IDO2: variants seen among roughly 807,000 people sequenced by gnomAD.
IDO2 encodes indoleamine 2,3-dioxygenase 2.
In IDO2, 46 loss-of-function variants were observed where a neutral mutation model predicts 45.1. That is an observed-to-expected ratio of 1.02 (90% CI 0.80 to 1.30). The LOEUF (loss-of-function observed/expected upper bound fraction) is 1.30, where lower values mean the gene tolerates loss of function less well. Ranked by LOEUF, IDO2 falls within the 50% of genes most tolerant of loss-of-function variation. The pLI is 0.00. For synonymous variants in IDO2, 218 were observed against 184.9 expected (o/e 1.18, Z -1.45); for missense variants, 544 against 491.8 (o/e 1.11, Z -1.00).
intron 1 of IDO2, among the ~76,000 whole-genome samples, chr8:39,947,695 T>G (rs1193697929): frequency 1.3e-5 from 2 of 152,146 alleles, no homozygotes; most frequent in Non-Finnish European, 2.9e-5. Context: ...TTTGGTGTAC[T>G]CTAGTGGCAA....
chr8:39,950,769 A>G (rs1807803133), intron 2 of IDO2, among the ~76,000 whole-genome samples: 1 of 152,176 alleles, frequency 6.6e-6, no homozygotes, highest in African/African-American at 2.4e-5. Context: ...GGAACAGAAC[A>G]AAGAAAGAAA....
At chr8:39,939,063 C>A (rs1393571708) in intron 1 of IDO2, among the ~76,000 whole-genome samples, 2 of 151,280 alleles carry the variant, frequency 1.3e-5, no homozygotes, top group Non-Finnish European at 1.5e-5. Context: ...ATCAGCCTGA[C>A]CAACATGGTG....
chr8:39,985,717 GTATA>G, intron 6 of IDO2, 195 bp downstream of exon 6: 1 of 565,732 alleles, frequency 1.8e-6, no homozygotes, highest in Admixed American at 3.4e-5. Flanking sequence ...CCTCTTCCTT[GTATA>G]GATAAGGGAT....
intron 2 of IDO2, among the ~76,000 whole-genome samples, chr8:39,955,710 C>T (rs185730550): frequency 1.3e-5 from 2 of 152,212 alleles, no homozygotes; most frequent in African/African-American, 4.8e-5. Context: ...AAGAAATCTC[C>T]CAATGTCAGG....
intron 1 of IDO2, among the ~76,000 whole-genome samples, chr8:39,944,849 C>T (rs1179359979): frequency 7.9e-5 from 12 of 152,312 alleles, no homozygotes; most frequent in Middle Eastern, 3.4e-3. Context: ...CTCTCGGTCG[C>T]TGGCTAATAA....
chr8:39,995,560 G>A (rs1322539623), intron 8 of IDO2, among the ~76,000 whole-genome samples: 2 of 151,938 alleles, frequency 1.3e-5, no homozygotes, highest in African/African-American at 2.4e-5. Flanking sequence ...GGGTGTGGGC[G>A]GCAAGCCACC....
At chr8:40,003,368 C>CAAAAAAA (rs1172335332) in intron 8 of IDO2, among the ~76,000 whole-genome samples, 5 of 118,420 alleles carry the variant, frequency 4.2e-5, no homozygotes, top group African/African-American at 1.3e-4. Context: ...GACTCCATCT[C>CAAAAAAA]AAAAAAAAAA....
Position 39,966,808 on chromosome 8 carries a change from G to A in IDO2, c.195+3105G>A, listed in dbSNP as rs140362877. Among the ~76,000 whole-genome samples the A allele has an allele frequency of 4.8e-3, 728 of 152,196 alleles. 8 individuals carry two copies. Among genetic ancestry groups the A allele is most frequent in the African/African-American group, 0.016 (668 of 41,522 alleles). On this transcript the variant is annotated intron_variant, in intron 3 of 10. Coordinates refer to ENST00000502986, the Ensembl canonical transcript of IDO2. ...ACTAATCTTAATAAAACTAACCTTC[G>A]TTCATGAATTTGAATAGACAAAATT...
intron 8 of IDO2, among the ~76,000 whole-genome samples, chr8:39,993,810 C>A (rs1457175421): frequency 6.6e-6 from 1 of 152,052 alleles, no homozygotes; most frequent in Non-Finnish European, 1.5e-5. Flanking sequence ...AGTCCGAGGG[C>A]AGGGTAGCCA....
chr8:39,972,511 G>C (rs1054786785), intron 3 of IDO2, among the ~76,000 whole-genome samples: 15 of 146,862 alleles, frequency 1.0e-4, no homozygotes, highest in South Asian at 4.3e-4. Context: ...TTGGGAGGCT[G>C]AAGCAGGAGA....
chr8:39,941,689 C>T (rs1279582863), intron 1 of IDO2, among the ~76,000 whole-genome samples: 1 of 152,064 alleles, frequency 6.6e-6, no homozygotes, highest in African/African-American at 2.4e-5. Flanking sequence ...AGAAATGGCT[C>T]ATTAATGCTG....
intron 3 of IDO2, among the ~76,000 whole-genome samples, chr8:39,973,935 G>C (rs1808220555): frequency 6.6e-6 from 1 of 151,888 alleles, no homozygotes; most frequent in Non-Finnish European, 1.5e-5. Context: ...TAGAGACTGG[G>C]TTTCACCAAA....
At chr8:39,955,890 C>T (rs896317926) in intron 2 of IDO2, among the ~76,000 whole-genome samples, 4 of 152,120 alleles carry the variant, frequency 2.6e-5, no homozygotes, top group African/African-American at 9.7e-5. Context: ...CATAGCAATG[C>T]TCCGACTCAC....
chr8:39,955,042 A>G (rs907504681), intron 2 of IDO2, among the ~76,000 whole-genome samples: 5 of 151,048 alleles, frequency 3.3e-5, no homozygotes, highest in Admixed American at 1.3e-4. Context: ...GCCTCATTTC[A>G]ATGTACCTCC....
intron 1 of IDO2, among the ~76,000 whole-genome samples, chr8:39,944,172 T>C (rs1315678109): frequency 6.6e-6 from 1 of 152,214 alleles, no homozygotes; most frequent in Non-Finnish European, 1.5e-5. Context: ...TACATTTGTG[T>C]ATAATCTTAT....
chr8:39,964,782 C>T (rs1343487461), intron 3 of IDO2, among the ~76,000 whole-genome samples: 4 of 152,050 alleles, frequency 2.6e-5, no homozygotes, highest in Non-Finnish European at 5.9e-5. Flanking sequence ...TCTGTAAACA[C>T]AGAAAAATAG....
At chr8:39,957,291 T>A (rs1807919263) in intron 2 of IDO2, among the ~76,000 whole-genome samples, 1 of 152,106 alleles carries the variant, frequency 6.6e-6, no homozygotes, top group South Asian at 2.1e-4. Context: ...TAACACATTC[T>A]GTTCATAGCA....
At chr8:39,980,753 C>T (rs1808330023) in intron 4 of IDO2, among the ~76,000 whole-genome samples, 1 of 152,022 alleles carries the variant, frequency 6.6e-6, no homozygotes, top group Non-Finnish European at 1.5e-5. Context: ...TTTTCTTTTT[C>T]TTTTTCTTTT....
intron 8 of IDO2, among the ~76,000 whole-genome samples, chr8:40,000,863 C>A (rs150307422): frequency 9.8e-4 from 149 of 152,296 alleles, no homozygotes; most frequent in Non-Finnish European, 1.7e-3. Context: ...GTTTTGTCAA[C>A]TTCATTTCTT....
Sources: gnomAD v4.1 joint callset for allele counts (sites outside exome capture counted in the v4.1 genomes callset) on GRCh38, gnomAD v4.1.1 for gene constraint, MANE v1.5 for transcripts, NCBI Gene and HGNC (gene_info 2026-07-23, HGNC 2026-07-21) for gene names.